The following NAV3 variants were observed in gnomAD, a reference collection of about 807,000 sequenced individuals.
NAV3 encodes the protein neuron navigator 3, also known as pore membrane and/or filament interacting like protein 1.
NAV3 carries 87 observed loss-of-function variants against 244.7 expected under a neutral mutation model. That is an observed-to-expected ratio of 0.36 (90% CI 0.30 to 0.42). NAV3 has a LOEUF of 0.42. Ranked by LOEUF, NAV3 falls within the 20% of genes least tolerant of loss-of-function variation. The pLI, the probability that NAV3 is intolerant of heterozygous loss-of-function variation, is 1.00. For missense variants in NAV3, 2,663 were observed against 2,893.3 expected, an observed-to-expected ratio of 0.92 and a Z score of 1.83; for synonymous variants, 1,126 against 1,042.2, an observed-to-expected ratio of 1.08 and a Z score of -1.55.
chr12:77,931,968 A>G (rs1182000196), intron 1 of NAV3, among the ~76,000 whole-genome samples: 2 of 152,064 alleles, frequency 1.3e-5, no homozygotes, highest in East Asian at 1.9e-4. Context: ...GTGATTCATT[A>G]TAGGCCATCC....
chr12:77,584,126 G>C (rs188665335), intron 2 of NAV3, among the ~76,000 whole-genome samples: 2 of 152,134 alleles, frequency 1.3e-5, no homozygotes, highest in Admixed American at 1.3e-4. Context: ...GCCTTCTTAA[G>C]AATGATTGTT....
At chr12:78,165,460 G>GT (rs1957741768) in intron 23 of NAV3, among the ~76,000 whole-genome samples, 1 of 151,772 alleles carries the variant, frequency 6.6e-6, no homozygotes, top group South Asian at 2.1e-4. Flanking sequence ...CAAAACTTGA[G>GT]TATCTTCTAT....
intron 20 of NAV3, chr12:78,144,934 A>AAAAAAAAAAAAAAAAAAAAAAC (rs1956798015): frequency 6.8e-6 from 1 of 147,744 alleles, no homozygotes; most frequent in Non-Finnish European, 1.4e-5. Flanking sequence ...AAAAAAAAAA[A>AAAAAAAAAAAAAAAAAAAAAAC]AAAAAAAAAA....
At chr12:78,008,731 ATTATTACAT>A (rs1874696363) in intron 8 of NAV3, among the ~76,000 whole-genome samples, 1 of 152,130 alleles carries the variant, frequency 6.6e-6, no homozygotes, top group South Asian at 2.1e-4. Flanking sequence ...AATTATTATA[ATTATTACAT>A]TTAAGCTCTT....
intron 2 of NAV3, among the ~76,000 whole-genome samples, chr12:77,591,558 C>A (rs1045895657): frequency 2.0e-5 from 3 of 152,102 alleles, no homozygotes; most frequent in Non-Finnish European, 4.4e-5. Flanking sequence ...TAGAACCAAC[C>A]AATACAGATA....
chr12:78,016,001 G>T (rs1876135558), intron 8 of NAV3, among the ~76,000 whole-genome samples: 1 of 151,868 alleles, frequency 6.6e-6, no homozygotes, highest in Non-Finnish European at 1.5e-5. Flanking sequence ...TCCAAGATTT[G>T]GCCACTGGGA....
At chr12:78,071,180 G>T (rs1053099970) in intron 12 of NAV3, among the ~76,000 whole-genome samples, 1 of 152,150 alleles carries the variant, frequency 6.6e-6, no homozygotes, top group African/African-American at 2.4e-5. Context: ...CAGTGTAAAA[G>T]TGTTCCTATT....
intron 1 of NAV3, among the ~76,000 whole-genome samples, chr12:77,932,114 A>G (rs1593036614): frequency 6.6e-6 from 1 of 152,118 alleles, no homozygotes; most frequent in African/African-American, 2.4e-5. Context: ...GAAATCCTAT[A>G]TTCCTGAAGG....
At chr12:77,732,742 A>C (rs1225763658) in intron 2 of NAV3, among the ~76,000 whole-genome samples, 1 of 152,044 alleles carries the variant, frequency 6.6e-6, no homozygotes, top group African/African-American at 2.4e-5. Flanking sequence ...TGATATTTGC[A>C]CCTAAGTAAC....
chr12:77,979,781 T>C (rs574157377), intron 5 of NAV3, among the ~76,000 whole-genome samples: 2 of 151,290 alleles, frequency 1.3e-5, no homozygotes, highest in East Asian at 3.9e-4. Context: ...CCATCAGAGA[T>C]GTTTTGTGAC....
chr12:78,092,002 C>G (rs1401386162), intron 12 of NAV3, among the ~76,000 whole-genome samples: 1 of 152,112 alleles, frequency 6.6e-6, no homozygotes, highest in Non-Finnish European at 1.5e-5. Context: ...GCTAATATTT[C>G]TTACCCCAGA....
chr12:77,583,922 G>A (rs924415746), intron 2 of NAV3, among the ~76,000 whole-genome samples: 5 of 152,118 alleles, frequency 3.3e-5, no homozygotes, highest in Non-Finnish European at 5.9e-5. Context: ...AACAATGCAA[G>A]TACAGTACTA....
chr12:77,784,049 G>GT (rs1050438526), intron 2 of NAV3, among the ~76,000 whole-genome samples: 2 of 152,084 alleles, frequency 1.3e-5, no homozygotes, highest in Admixed American at 6.6e-5. Flanking sequence ...CTGACCTTCA[G>GT]TTTTTTCATC....
rs146212968 is a variant in NAV3, at chr12:77,699,630, G to T, written c.72+127364G>T. On this transcript the variant is annotated intron_variant, in intron 2 of 8. Coordinates refer to the NAV3 transcript ENST00000550042. ...GGTACAGGTCTGGTATGACTTTCAG[G>T]CTGGGCTCATCTGGAACTCAACCAG... Among the ~76,000 whole-genome samples the T allele has an allele frequency of 4.7e-4, 72 of 152,018 alleles. 1 individual carries two copies. In the East Asian group the frequency reaches 0.013, roughly 28 times the overall value.
intron 2 of NAV3, among the ~76,000 whole-genome samples, chr12:77,762,887 A>C (rs921184735): frequency 6.6e-6 from 1 of 152,184 alleles, no homozygotes; most frequent in Non-Finnish European, 1.5e-5. Context: ...CTCTCCAGTA[A>C]AGGCTTCCAG....
intron 3 of NAV3, among the ~76,000 whole-genome samples, chr12:77,953,557 A>G (rs150250975): frequency 1.5e-3 from 236 of 152,324 alleles, no homozygotes; most frequent in African/African-American, 5.4e-3. Context: ...ATCTAATCAC[A>G]GACCAACTAA....
At position 77,940,342 on chromosome 12, in the gene NAV3, C is replaced by T. The variant is rs1333618380; in HGVS notation, c.267C>T (p.His89=). 24 of 1,613,890 alleles carry T rather than the reference C, an allele frequency of 1.5e-5. No individual in the cohort carries two copies. The highest frequency in any genetic ancestry group is 1.9e-5 in the Non-Finnish European group (23 of 1,179,812). Residue 89 remains histidine (H), a synonymous_variant, in exon 2 of 40, where the codon CAC becomes CAT. Transcript: ENST00000397909. ...DSKIYTDWAN[H]YLAKSGHKRL... ...AGATTTACACTGACTGGGCCAACCA[C>T]TACCTAGCAAAATCAGGCCACAAGC...
intron 2 of NAV3, among the ~76,000 whole-genome samples, chr12:77,750,986 C>T (rs1265757786): frequency 4.6e-5 from 7 of 152,180 alleles, no homozygotes; most frequent in Non-Finnish European, 8.8e-5. Flanking sequence ...CCTGCAGTCT[C>T]ACAACTAACT....
chr12:77,702,393 T>C (rs1875601900), intron 2 of NAV3, among the ~76,000 whole-genome samples: 1 of 152,016 alleles, frequency 6.6e-6, no homozygotes, highest in Admixed American at 6.6e-5. Context: ...TTGTTCTTTA[T>C]TGTATCTGAC....
Sources: allele counts gnomAD v4.1 joint callset (sites outside exome capture counted in the v4.1 genomes callset), GRCh38; gene constraint gnomAD v4.1.1; transcripts MANE v1.5; gene names NCBI Gene and HGNC (gene_info 2026-07-23, HGNC 2026-07-21).